The following KIAA1217 variants were observed in gnomAD, a reference collection of about 807,000 sequenced individuals.
The protein encoded by KIAA1217 is sickle tail protein homolog.
KIAA1217 carries 88 observed loss-of-function variants against 163.9 expected under a neutral mutation model. The ratio of observed to expected loss-of-function variants is 0.54; its 90% CI spans 0.45 to 0.64. The LOEUF is 0.64. Among genes scored for constraint, KIAA1217 ranks in the 30% least tolerant of loss-of-function variants. The pLI, the probability that KIAA1217 is intolerant of heterozygous loss-of-function variation, is 0.00. For missense variants in KIAA1217, 2,372 were observed against 2,475.0 expected (o/e 0.96, Z 0.88); for synonymous variants, 903 against 923.1 (o/e 0.98, Z 0.39).
chr10:24,536,533 A>G (rs1243462343), intron 16 of KIAA1217, among the ~76,000 whole-genome samples: 2 of 152,158 alleles, frequency 1.3e-5, no homozygotes, highest in African/African-American at 2.4e-5. Flanking sequence ...AGTAATGTCT[A>G]TTTTATCTTG....
chr10:24,547,332 G>A lies in KIAA1217; in HGVS notation c.*1008G>A, dbSNP rs1184303036. The A allele has an allele frequency of 6.6e-6, 1 of 152,450 alleles. No individual in the cohort carries two copies. The highest frequency in any genetic ancestry group is 2.1e-4 in the South Asian group (1 of 4,824). 9.4% of individuals were successfully genotyped at this position (152,450 alleles called of 1,614,324 possible). A position where few individuals can be genotyped will look rare whatever the true frequency, so the allele number is the denominator to read the frequency against. On this transcript the variant is annotated 3_prime_UTR_variant, in exon 21 of 21. Coordinates refer to ENST00000376454, the MANE Select transcript of KIAA1217 (RefSeq NM_019590.5). Reference sequence around the variant, plus strand: ...TGCTTTAAAAGTATATATCGGGACCGGCAGAAATGGAAGTATCCATACATT... The same window carrying A: ...TGCTTTAAAAGTATATATCGGGACCAGCAGAAATGGAAGTATCCATACATT...
chr10:24,248,164 T>C (rs1163600745), intron 2 of KIAA1217, among the ~76,000 whole-genome samples: 1 of 152,196 alleles, frequency 6.6e-6, no homozygotes, highest in East Asian at 1.9e-4. Context: ...GGGGCATTAG[T>C]AGTCTCATTT....
intron 2 of KIAA1217, among the ~76,000 whole-genome samples, chr10:24,197,602 G>C (rs1269018186): frequency 1.3e-5 from 2 of 152,212 alleles, no homozygotes; most frequent in Non-Finnish European, 2.9e-5. Flanking sequence ...TACCCTATGT[G>C]CAATTTAATT....
At chr10:24,177,103 A>T (rs1040273677) in intron 2 of KIAA1217, among the ~76,000 whole-genome samples, 1 of 151,364 alleles carries the variant, frequency 6.6e-6, no homozygotes, top group African/African-American at 2.4e-5. Flanking sequence ...CCACAAGCAC[A>T]GGGAGCCAGC....
At chr10:24,430,011 T>G (rs1243014283) in intron 3 of KIAA1217, among the ~76,000 whole-genome samples, 1 of 152,036 alleles carries the variant, frequency 6.6e-6, no homozygotes, top group East Asian at 1.9e-4. Flanking sequence ...CTGGGTGTAG[T>G]GGTTCTCTCC....
chr10:24,085,865 T>G (rs1440901974), intron 2 of KIAA1217, among the ~76,000 whole-genome samples: 1 of 151,844 alleles, frequency 6.6e-6, no homozygotes, highest in Admixed American at 6.6e-5. Flanking sequence ...CTCAGCTACT[T>G]GGGAGGCTGA....
chr10:24,520,694 A>T (rs1455689352), intron 11 of KIAA1217, among the ~76,000 whole-genome samples: 1 of 131,560 alleles, frequency 7.6e-6, no homozygotes, highest in Non-Finnish European at 1.6e-5. Flanking sequence ...ACACAAAAAA[A>T]AATTAGCCAG....
At chr10:24,043,929 A>G (rs548861058) in intron 2 of KIAA1217, among the ~76,000 whole-genome samples, 1 of 152,222 alleles carries the variant, frequency 6.6e-6, no homozygotes, top group East Asian at 1.9e-4. Context: ...GTCATTTAAA[A>G]CCAAGAGTGA....
chr10:24,167,860 ATGT>A (rs1470549124), intron 2 of KIAA1217, among the ~76,000 whole-genome samples: 10 of 152,210 alleles, frequency 6.6e-5, no homozygotes, highest in African/African-American at 2.4e-4. Context: ...AAAGTCCTTC[ATGT>A]TATGTCATCC....
At chr10:24,062,282 TC>T (rs1279912827) in intron 2 of KIAA1217, among the ~76,000 whole-genome samples, 1 of 80,558 alleles carries the variant, frequency 1.2e-5, no homozygotes, top group Non-Finnish European at 2.3e-5. Flanking sequence ...ATGCTATCCC[TC>T]CCCCCTCCCC....
At chr10:23,872,603 TTA>T (rs1840507340) in intron 1 of KIAA1217, among the ~76,000 whole-genome samples, 1 of 152,088 alleles carries the variant, frequency 6.6e-6, no homozygotes, top group Non-Finnish European at 1.5e-5. Context: ...GTGTTTTTTT[TTA>T]TTTGCTTCTT....
At chr10:23,942,027 C>A (rs1843795808) in intron 1 of KIAA1217, among the ~76,000 whole-genome samples, 1 of 152,078 alleles carries the variant, frequency 6.6e-6, no homozygotes, top group Non-Finnish European at 1.5e-5. Context: ...AAAAAGAATC[C>A]AAAGCCTCTA....
intron 9 of KIAA1217, among the ~76,000 whole-genome samples, 181 bp downstream of exon 9, chr10:24,501,726 CTTCTTTTTTTTTTTTTTTTTTT>C (rs374475382): frequency 0.022 from 2,455 of 111,542 alleles, 82 homozygotes; most frequent in African/African-American, 0.071. Flanking sequence ...TCTATAACCA[CTTCTTTTTTTTTTTTTTTTTTT>C]TTTTTTTTTT....
At chr10:24,375,457 G>T (rs531371926) in intron 2 of KIAA1217, among the ~76,000 whole-genome samples, 2 of 152,210 alleles carry the variant, frequency 1.3e-5, no homozygotes, top group African/African-American at 4.8e-5. Flanking sequence ...GAATGGTAGA[G>T]AAAACCTAAA....
intron 1 of KIAA1217, among the ~76,000 whole-genome samples, chr10:23,945,876 A>G (rs1229260308): frequency 1.3e-5 from 2 of 152,132 alleles, no homozygotes; most frequent in Non-Finnish European, 2.9e-5. Flanking sequence ...ATGAAGGCTA[A>G]TCGCAACTGG....
At chr10:23,953,203 G>A (rs934131689) in intron 1 of KIAA1217, among the ~76,000 whole-genome samples, 1 of 152,244 alleles carries the variant, frequency 6.6e-6, no homozygotes, top group African/African-American at 2.4e-5. Context: ...TGTTCTAACA[G>A]TGTTTTAGTT....
chr10:24,068,275 A>G (rs1431820905), intron 2 of KIAA1217, among the ~76,000 whole-genome samples: 3 of 152,202 alleles, frequency 2.0e-5, no homozygotes, highest in Non-Finnish European at 4.4e-5. Flanking sequence ...CTATTCAGCC[A>G]TCTTAGCTCC....
At chr10:24,078,348 A>G (rs2061432592) in intron 2 of KIAA1217, among the ~76,000 whole-genome samples, 1 of 152,176 alleles carries the variant, frequency 6.6e-6, no homozygotes, top group African/African-American at 2.4e-5. Context: ...TTGGGAAGTC[A>G]GGTACCTGGA....
At chr10:24,345,050 C>A (rs2047551602) in intron 2 of KIAA1217, among the ~76,000 whole-genome samples, 1 of 152,184 alleles carries the variant, frequency 6.6e-6, no homozygotes, top group African/African-American at 2.4e-5. Context: ...GTCAGAGAAG[C>A]AACATGGGTG....
Sources: gnomAD v4.1 joint callset for allele counts (sites outside exome capture counted in the v4.1 genomes callset) on GRCh38, gnomAD v4.1.1 for gene constraint, MANE v1.5 for transcripts, NCBI Gene and HGNC (gene_info 2026-07-23, HGNC 2026-07-21) for gene names.